LRMDA: variants seen among roughly 807,000 people sequenced by gnomAD.
The protein encoded by LRMDA is leucine-rich melanocyte differentiation-associated protein.
LRMDA carries 18 observed loss-of-function variants against 29.8 expected under a neutral mutation model. That is an observed-to-expected ratio of 0.60 (90% confidence interval 0.42 to 0.90). The LOEUF (loss-of-function observed/expected upper bound fraction) is 0.90. Among genes scored for constraint, LRMDA ranks in the 40% least tolerant of loss-of-function variants. LRMDA has a pLI of 0.00. For missense variants in LRMDA, 273 were observed against 273.9 expected, an observed-to-expected ratio of 1.00 and a Z score of 0.02; for synonymous variants, 125 against 109.4, an observed-to-expected ratio of 1.14 and a Z score of -0.89.
intron 6 of LRMDA, among the ~76,000 whole-genome samples, chr10:76,427,636 C>G (rs1449243004): frequency 2.0e-5 from 3 of 152,150 alleles, no homozygotes; most frequent in Non-Finnish European, 4.4e-5. Context: ...ACCTCCAACA[C>G]TATGTTGAAT....
At chr10:75,922,776 C>T (rs1337759183) in intron 2 of LRMDA, among the ~76,000 whole-genome samples, 2 of 152,200 alleles carry the variant, frequency 1.3e-5, no homozygotes, top group Admixed American at 6.5e-5. Flanking sequence ...AACCTATCTT[C>T]TCTCCCTGGA....
chr10:75,913,012 G>A (rs1215599768), intron 2 of LRMDA, among the ~76,000 whole-genome samples: 1 of 152,116 alleles, frequency 6.6e-6, no homozygotes, highest in Non-Finnish European at 1.5e-5. Flanking sequence ...CTCAGGGACA[G>A]GAATAATCTA....
At chr10:76,397,018 G>T (rs2132491151) in intron 6 of LRMDA, among the ~76,000 whole-genome samples, 1 of 152,252 alleles carries the variant, frequency 6.6e-6, no homozygotes, top group East Asian at 1.9e-4. Context: ...GAGATGAAAA[G>T]GATGAGATTG....
chr10:75,435,554 T>G (rs1306221794), intron 1 of LRMDA, among the ~76,000 whole-genome samples: 1 of 152,212 alleles, frequency 6.6e-6, no homozygotes, highest in African/African-American at 2.4e-5. Context: ...ATCGAGTTGG[T>G]TCTCATGCTA....
chr10:75,770,794 C>T (rs922619749), intron 2 of LRMDA, among the ~76,000 whole-genome samples: 3 of 152,050 alleles, frequency 2.0e-5, no homozygotes, highest in African/African-American at 4.8e-5. Flanking sequence ...TCTCATGCCA[C>T]GCTATTTCAT....
In LRMDA at chr10:76,122,871, A is replaced by T. The variant is rs371554729; in HGVS notation, c.516+64088A>T. On this transcript the variant is annotated intron_variant, in intron 5 of 6. Coordinates refer to ENST00000611255, the MANE Select transcript of LRMDA (RefSeq NM_001305581.2). ...CATTTAGTAGACCATTTTCCTGCTC[A>T]TGGTCCATGGAGATTAGCCTTTTCT... 2.6e-4 allele frequency among the ~76,000 whole-genome samples: 39 copies of T among 152,250 alleles called. No individual in the cohort carries two copies. The East Asian group carries it at 4.6e-3, about 18-fold the overall frequency.
intron 2 of LRMDA, among the ~76,000 whole-genome samples, chr10:75,831,054 T>C (rs1844333693): frequency 6.6e-6 from 1 of 152,148 alleles, no homozygotes; most frequent in Admixed American, 6.5e-5. Context: ...AAATCTTTTT[T>C]TTTTTTTTGA....
chr10:75,914,280 T>A (rs1434139657), intron 2 of LRMDA, among the ~76,000 whole-genome samples: 1 of 152,224 alleles, frequency 6.6e-6, no homozygotes, highest in African/African-American at 2.4e-5. Flanking sequence ...GCTGTTGAAA[T>A]GGCTAGTTTA....
intron 5 of LRMDA, among the ~76,000 whole-genome samples, chr10:76,261,347 C>T (rs903542545): frequency 9.2e-5 from 14 of 152,162 alleles, no homozygotes; most frequent in South Asian, 2.1e-4. Context: ...GCTGGGATTA[C>T]AGGCGTGAGC....
At chr10:76,179,812 A>G (rs577045202) in intron 5 of LRMDA, among the ~76,000 whole-genome samples, 1 of 152,338 alleles carries the variant, frequency 6.6e-6, no homozygotes, top group African/African-American at 2.4e-5. Flanking sequence ...CCCTCAAAAA[A>G]GAGGACATGT....
At chr10:76,510,190 CCTCCTGAG>C (rs1171159205) in intron 6 of LRMDA, among the ~76,000 whole-genome samples, 4 of 152,118 alleles carry the variant, frequency 2.6e-5, no homozygotes, top group Non-Finnish European at 5.9e-5. Context: ...CCTGCCTCAA[CCTCCTGAG>C]TAGCTGAGAC....
At chr10:76,163,114 G>T (rs1487018245) in intron 5 of LRMDA, among the ~76,000 whole-genome samples, 1 of 152,156 alleles carries the variant, frequency 6.6e-6, no homozygotes, top group Non-Finnish European at 1.5e-5. Flanking sequence ...GAACATAAAT[G>T]GCAGCTCAGT....
chr10:76,448,520 A>G (rs1842375071), intron 6 of LRMDA, among the ~76,000 whole-genome samples: 2 of 151,986 alleles, frequency 1.3e-5, no homozygotes, highest in Non-Finnish European at 2.9e-5. Context: ...AGTACTAGGT[A>G]TTTTCTCTCC....
chr10:76,321,840 G>T lies in LRMDA; in HGVS notation c.517-2561G>T, dbSNP rs373647348. ...CGTGCCTGTAATCCCAGCTACTCGG[G>T]AGGCTGAGGCATGAGAATTGCTTGA... On this transcript the variant is annotated intron_variant, in intron 5 of 6. Transcript: ENST00000611255. Among the ~76,000 whole-genome samples the T allele has an allele frequency of 1.1e-4, 16 of 152,264 alleles. No homozygotes were observed. In the East Asian group the frequency reaches 1.4e-3, roughly 13 times the overall value.
At chr10:76,205,448 T>G (rs1375320200) in intron 5 of LRMDA, among the ~76,000 whole-genome samples, 1 of 152,152 alleles carries the variant, frequency 6.6e-6, no homozygotes. Flanking sequence ...GAGAATCATG[T>G]TTTTCTGTCT....
At chr10:75,813,002 G>A (rs576316750) in intron 2 of LRMDA, among the ~76,000 whole-genome samples, 1 of 152,356 alleles carries the variant, frequency 6.6e-6, no homozygotes, top group South Asian at 2.1e-4. Context: ...TCGTGGCAGT[G>A]TCAGAGACCT....
intron 6 of LRMDA, among the ~76,000 whole-genome samples, chr10:76,417,039 C>G (rs1237810248): frequency 6.6e-6 from 1 of 152,170 alleles, no homozygotes; most frequent in East Asian, 1.9e-4. Flanking sequence ...TCCTGACTCC[C>G]TTATGCAGGT....
rs77865405 is a variant in LRMDA at position 75,894,750 on chromosome 10, A to G, written c.132-141258A>G. ...TACCATGCCCCTTTGCTGACTACAC[A>G]CCAGAGACAACCAGAAGATCTAAGC... On this transcript the variant is annotated intron_variant, in intron 2 of 6. Coordinates refer to ENST00000611255, the MANE Select transcript of LRMDA (RefSeq NM_001305581.2). 8.2e-3 allele frequency among the ~76,000 whole-genome samples: 1,253 copies of G among 152,302 alleles called. 18 individuals are homozygous for G. Among genetic ancestry groups the G allele is most frequent in the African/African-American group, 0.029 (1,196 of 41,554 alleles).
At chr10:76,269,393 A>T (rs1366230429) in intron 5 of LRMDA, among the ~76,000 whole-genome samples, 1 of 152,170 alleles carries the variant, frequency 6.6e-6, no homozygotes, top group Non-Finnish European at 1.5e-5. Flanking sequence ...ATTATTTATA[A>T]AGGCCACTCA....
Sources: gnomAD v4.1 joint callset for allele counts (sites outside exome capture counted in the v4.1 genomes callset) on GRCh38, gnomAD v4.1.1 for gene constraint, MANE v1.5 for transcripts, NCBI Gene and HGNC (gene_info 2026-07-23, HGNC 2026-07-21) for gene names.